Variants in PDE11A observed in about 807,000 individuals in gnomAD.
PDE11A encodes dual 3',5'-cyclic-AMP and -GMP phosphodiesterase 11A.
PDE11A carries 100 observed loss-of-function variants against 100.5 expected under a neutral mutation model. The ratio of observed to expected loss-of-function variants is 1.00; its 90% CI spans 0.85 to 1.18. PDE11A has a LOEUF of 1.18. Among genes scored for constraint, PDE11A ranks in the 50% most tolerant of loss-of-function variants. PDE11A has a pLI of 0.00. For missense variants in PDE11A, 1,141 were observed against 1,152.6 expected (o/e 0.99, Z 0.15); for synonymous variants, 381 against 420.8 (o/e 0.91, Z 1.16).
At position 177,629,489 on chromosome 2, in the gene PDE11A, T is replaced by G; in HGVS notation, c.2720A>C (p.Glu907Ala). ...GGCCAGCAGTCGTTTTTGGTGTAGC[T>G]CTTCCCACTTACTTCTGTTTGTAGC... ...SVATNRSKWE[E>A]LHQKRLLAST... Residue 907 changes from glutamate (E) to alanine (A), a missense_variant, in exon 20 of 20, where the codon GAG becomes GCG. Glu to Ala is a moderately radical substitution (Grantham distance 107). Transcript: ENST00000286063. 6.2e-7 allele frequency: 1 copy of G among 1,613,424 alleles called. No individual in the cohort carries two copies. The highest frequency in any genetic ancestry group is 8.5e-7 in the Non-Finnish European group (1 of 1,179,386).
chr2:177,962,303 T>C (rs1477343565), intron 2 of PDE11A, among the ~76,000 whole-genome samples: 1 of 152,094 alleles, frequency 6.6e-6, no homozygotes, highest in African/African-American at 2.4e-5. Context: ...TTGGTAGGCA[T>C]TAAATAAATA....
chr2:177,936,877 G>A (rs559439256), intron 2 of PDE11A, among the ~76,000 whole-genome samples: 3 of 151,820 alleles, frequency 2.0e-5, no homozygotes, highest in South Asian at 4.2e-4. Flanking sequence ...AGTTGAAATC[G>A]CACTATTGCA....
intron 6 of PDE11A, among the ~76,000 whole-genome samples, chr2:177,831,127 T>A (rs893987330): frequency 6.6e-6 from 1 of 152,190 alleles, no homozygotes; most frequent in Non-Finnish European, 1.5e-5. Context: ...ACCTGCTAAG[T>A]CTGCTCTGTT....
rs550377832 is a variant in PDE11A at position 177,677,975 on chromosome 2, A to G, written c.2424-2457T>C. 123 of 152,340 alleles carry G rather than the reference A, an allele frequency of 8.1e-4. 2 individuals carry two copies. Among genetic ancestry groups the G allele is most frequent in the African/African-American group, 2.8e-3 (116 of 41,580 alleles). The allele number at this position is 152,340 out of a possible 1,614,324, so 9.4% of individuals were successfully genotyped here. ...GTAGTTGTAAAACAATTTAAAATGA[A>G]CAAATTTTAATGTTAAAGATATATT... On this transcript the variant is annotated intron_variant, in intron 16 of 19. Coordinates refer to ENST00000286063, the MANE Select transcript of PDE11A (RefSeq NM_016953.4).
intron 6 of PDE11A, among the ~76,000 whole-genome samples, chr2:177,821,098 A>T (rs2083132151): frequency 6.6e-6 from 1 of 151,976 alleles, no homozygotes; most frequent in Admixed American, 6.6e-5. Flanking sequence ...ATATGGAGAT[A>T]AAAAGATATT....
At chr2:177,910,267 A>G (rs2084857188) in intron 2 of PDE11A, among the ~76,000 whole-genome samples, 1 of 152,212 alleles carries the variant, frequency 6.6e-6, no homozygotes, top group Non-Finnish European at 1.5e-5. Context: ...TGGAGTTTCT[A>G]AAGAAATGTG....
At chr2:178,062,654 T>C (rs2086987654) in intron 1 of PDE11A, among the ~76,000 whole-genome samples, 1 of 152,232 alleles carries the variant, frequency 6.6e-6, no homozygotes, top group Non-Finnish European at 1.5e-5. Context: ...CATATTAAGT[T>C]GCCAAATACC....
At chr2:177,967,409 G>A (rs2085713212) in intron 2 of PDE11A, among the ~76,000 whole-genome samples, 1 of 151,752 alleles carries the variant, frequency 6.6e-6, no homozygotes. Context: ...TGTTGTCCAG[G>A]CTGGTCTTGA....
chr2:177,977,785 T>C lies in PDE11A; in HGVS notation c.1071+36517A>G, dbSNP rs1328217763. On this transcript the variant is annotated intron_variant, in intron 2 of 19. Coordinates refer to ENST00000286063, the MANE Select transcript of PDE11A (RefSeq NM_016953.4). ...AAATAATGCCGCATATCTACAACTA[T>C]CTGATCTTTGACAAACCTGAGAAAA... Among the ~76,000 whole-genome samples, 4 of 145,898 alleles carry C rather than the reference T, an allele frequency of 2.7e-5. 1 individual carries two copies. The highest frequency in any genetic ancestry group is 7.6e-5 in the African/African-American group (3 of 39,660).
At chr2:177,842,794 T>C (rs1405431421) in intron 5 of PDE11A, among the ~76,000 whole-genome samples, 1 of 152,176 alleles carries the variant, frequency 6.6e-6, no homozygotes, top group East Asian at 1.9e-4. Context: ...TGTGGCCCTA[T>C]TAGCAGAACA....
chr2:177,904,586 A>G (rs1428069731), intron 3 of PDE11A, among the ~76,000 whole-genome samples: 3 of 140,970 alleles, frequency 2.1e-5, no homozygotes, highest in Non-Finnish European at 1.5e-5. Context: ...GATGGAGTCT[A>G]GTCTGTCACC....
At chr2:177,629,665 G>A in intron 19 of PDE11A, 103 bp from the exon 20 acceptor site, 1 of 1,142,748 alleles carries the variant, frequency 8.8e-7, no homozygotes, top group Non-Finnish European at 1.3e-6. Flanking sequence ...ACTGGCTATA[G>A]GAAATGAAAG....
chr2:178,069,436 A>G lies in PDE11A; in HGVS notation c.912+2090T>C, dbSNP rs540531597. Among the ~76,000 whole-genome samples the G allele has an allele frequency of 4.6e-5, 7 of 152,324 alleles. No homozygotes were observed. In the East Asian group the frequency reaches 1.3e-3, roughly 29 times the overall value. On this transcript the variant is annotated intron_variant, in intron 1 of 19. Coordinates refer to ENST00000286063, the MANE Select transcript of PDE11A (RefSeq NM_016953.4). ...ACATAAAAGAAGCCAATGGAAAAAG[A>G]AAAGAGAAACTTTCTAACCAAATGA...
intron 9 of PDE11A, among the ~76,000 whole-genome samples, chr2:177,816,191 A>G (rs913081220): frequency 1.1e-4 from 16 of 152,192 alleles, no homozygotes; most frequent in Non-Finnish European, 2.2e-4. Context: ...AGCCTGGGCA[A>G]AAAAAACAAA....
In PDE11A at chr2:177,994,748, C is replaced by A. The variant is rs528128261; in HGVS notation, c.1071+19554G>T. On this transcript the variant is annotated intron_variant, in intron 2 of 19. Coordinates refer to ENST00000286063, the MANE Select transcript of PDE11A (RefSeq NM_016953.4). The stretch of plus-strand genomic sequence containing the variant: ...CCCATTTTCTTTTACTTAAGAAATC[C>A]ATGCTGCTGATCAGAAGTTTGCCAT... Among the ~76,000 whole-genome samples, 9 of 152,228 alleles carry A rather than the reference C, an allele frequency of 5.9e-5. No homozygotes were observed. The South Asian group carries it at 1.7e-3, about 28-fold the overall frequency.
chr2:178,039,537 A>G (rs1370358239), intron 1 of PDE11A, among the ~76,000 whole-genome samples: 1 of 152,158 alleles, frequency 6.6e-6, no homozygotes, highest in African/African-American at 2.4e-5. Flanking sequence ...AGAGTTAAAA[A>G]TAAATAAATA....
At chr2:177,711,419 AAC>A (rs1486913811) in intron 13 of PDE11A, among the ~76,000 whole-genome samples, 1 of 152,228 alleles carries the variant, frequency 6.6e-6, no homozygotes, top group African/African-American at 2.4e-5. Flanking sequence ...CTTTTATTTT[AAC>A]AGTCTCACAC....
rs182493689 is a variant in PDE11A at position 178,021,647 on chromosome 2, G to A, written c.913-7187C>T. The stretch of plus-strand genomic sequence containing the variant: ...CTAGCCAAGTAATCACCACAAATGA[G>A]TATAATAGTAGAGGAAACACATAGC... On this transcript the variant is annotated intron_variant, in intron 1 of 19. Coordinates refer to ENST00000286063, the MANE Select transcript of PDE11A (RefSeq NM_016953.4). 1.1e-3 allele frequency among the ~76,000 whole-genome samples: 167 copies of A among 152,274 alleles called. 1 individual carries two copies. The highest frequency in any genetic ancestry group is 3.8e-3 in the African/African-American group (158 of 41,560).
chr2:177,936,984 C>T (rs2085282921), intron 2 of PDE11A, among the ~76,000 whole-genome samples: 1 of 151,836 alleles, frequency 6.6e-6, no homozygotes, highest in Admixed American at 6.6e-5. Flanking sequence ...CTTTTTGATA[C>T]TTCTCGGAGC....
Sources: gnomAD v4.1 joint callset for allele counts (sites outside exome capture counted in the v4.1 genomes callset) on GRCh38, gnomAD v4.1.1 for gene constraint, MANE v1.5 for transcripts, NCBI Gene and HGNC (gene_info 2026-07-23, HGNC 2026-07-21) for gene names.